ZCWPW2: variants seen among roughly 807,000 people sequenced by gnomAD.
ZCWPW2 encodes the protein zinc finger CW-type and PWWP domain containing 2.
Under a neutral mutation model 46.6 loss-of-function variants are expected in ZCWPW2, and 45 were observed. The observed-to-expected ratio is 0.96, with a 90% CI of 0.76 to 1.24. The LOEUF is 1.24. Among genes scored for constraint, ZCWPW2 ranks in the 50% most tolerant of loss-of-function variants. ZCWPW2 has a pLI of 0.00. For missense variants in ZCWPW2, 429 were observed against 403.9 expected (o/e 1.06, Z -0.53); for synonymous variants, 152 against 137.1 (o/e 1.11, Z -0.76).
intron 4 of ZCWPW2, chr3:28,460,958 A>G: frequency 3.9e-6 from 1 of 254,112 alleles, no homozygotes; most frequent in Non-Finnish European, 8.9e-6. Flanking sequence ...ATAATTTTTT[A>G]TTTCTTTAGA....
intron 5 of ZCWPW2, among the ~76,000 whole-genome samples, chr3:28,488,364 G>A (rs1559526008): frequency 6.6e-6 from 1 of 151,980 alleles, no homozygotes; most frequent in South Asian, 2.1e-4. Context: ...TTCATTTTTC[G>A]TTTTGCTCAC....
chr3:28,471,498 C>A (rs950756182), intron 4 of ZCWPW2, among the ~76,000 whole-genome samples: 1 of 152,072 alleles, frequency 6.6e-6, no homozygotes, highest in African/African-American at 2.4e-5. Flanking sequence ...AGGACAAAAA[C>A]CATATCATCA....
chr3:28,498,238 CGTGT>C (rs56760870), intron 6 of ZCWPW2, among the ~76,000 whole-genome samples: 35,410 of 145,374 alleles, frequency 0.24, 4,307 homozygotes, highest in Middle Eastern at 0.31. Flanking sequence ...TACATATATA[CGTGT>C]GTGTGTGTGT....
At chr3:28,502,400 A>G (rs919381922) in intron 6 of ZCWPW2, among the ~76,000 whole-genome samples, 2 of 152,104 alleles carry the variant, frequency 1.3e-5, no homozygotes, top group African/African-American at 2.4e-5. Context: ...GAAAAAGTCT[A>G]TGTTGAGACT....
At chr3:28,361,637 TA>T (rs1704949069) in intron 1 of ZCWPW2, among the ~76,000 whole-genome samples, 1 of 151,864 alleles carries the variant, frequency 6.6e-6, no homozygotes, top group African/African-American at 2.4e-5. Flanking sequence ...ATGCATCTGA[TA>T]GGGGATTAAT....
intron 1 of ZCWPW2, among the ~76,000 whole-genome samples, chr3:28,384,233 ATATGT>A (rs1461410376): frequency 1.8e-4 from 27 of 152,184 alleles, no homozygotes; most frequent in Non-Finnish European, 2.4e-4. Flanking sequence ...TACCCATGGA[ATATGT>A]TATATGTATT....
At chr3:28,521,335 G>T (rs13064740) in intron 9 of ZCWPW2, among the ~76,000 whole-genome samples, 57,104 of 152,012 alleles carry the variant, frequency 0.38, 11,579 homozygotes, top group East Asian at 0.65. Flanking sequence ...AAGTAGAGGA[G>T]TTCTTTTAAT....
chr3:28,444,571 C>T (rs781022321), intron 4 of ZCWPW2, among the ~76,000 whole-genome samples: 2 of 152,234 alleles, frequency 1.3e-5, no homozygotes, highest in South Asian at 4.1e-4. Flanking sequence ...CAATCAATGC[C>T]TTCACTTTTA....
intron 2 of ZCWPW2, among the ~76,000 whole-genome samples, chr3:28,392,484 A>T (rs1695532320): frequency 2.0e-5 from 3 of 152,188 alleles, no homozygotes; most frequent in Admixed American, 2.0e-4. Context: ...GAAATGTAGA[A>T]CATTCTATCC....
chr3:28,507,613 A>C (rs1700312403), intron 6 of ZCWPW2, among the ~76,000 whole-genome samples: 1 of 151,644 alleles, frequency 6.6e-6, no homozygotes. Context: ...ATGTTATTGC[A>C]TTTTTGTCAG....
intron 1 of ZCWPW2, among the ~76,000 whole-genome samples, chr3:28,357,000 T>G (rs1176195712): frequency 1.3e-5 from 2 of 151,972 alleles, no homozygotes; most frequent in Non-Finnish European, 2.9e-5. Flanking sequence ...ACTTAAAGTA[T>G]AATTGAAAAA....
intron 7 of ZCWPW2, among the ~76,000 whole-genome samples, 184 bp from the exon 8 acceptor site, chr3:28,515,370 T>A (rs922887244): frequency 6.6e-5 from 10 of 152,174 alleles, no homozygotes; most frequent in African/African-American, 2.4e-4. Context: ...AGAGCTCAAA[T>A]CAGTATTAGT....
intron 2 of ZCWPW2, among the ~76,000 whole-genome samples, chr3:28,404,827 A>T (rs1192133521): frequency 6.6e-6 from 1 of 152,194 alleles, no homozygotes; most frequent in Non-Finnish European, 1.5e-5. Context: ...GAGCTAATCT[A>T]TGAGGATGCA....
At chr3:28,456,786 T>G (rs909289559) in intron 4 of ZCWPW2, among the ~76,000 whole-genome samples, 3 of 152,238 alleles carry the variant, frequency 2.0e-5, no homozygotes, top group Non-Finnish European at 2.9e-5. Flanking sequence ...TTGATTTGCA[T>G]ATGTTGAACC....
chr3:28,447,768 C>T, intron 4 of ZCWPW2: 2 of 717,464 alleles, frequency 2.8e-6, no homozygotes, highest in Non-Finnish European at 5.0e-6. Context: ...TCCTACAATA[C>T]AACCACTAAT....
At chr3:28,496,856 G>A (rs1700003984) in intron 6 of ZCWPW2, among the ~76,000 whole-genome samples, 1 of 151,372 alleles carries the variant, frequency 6.6e-6, no homozygotes, top group Non-Finnish European at 1.5e-5. Context: ...ACAGGCATAG[G>A]GATGTTGACC....
intron 3 of ZCWPW2, among the ~76,000 whole-genome samples, chr3:28,427,682 G>A (rs1192670125): frequency 6.6e-6 from 1 of 151,892 alleles, no homozygotes. Flanking sequence ...AATACTCTTG[G>A]GCCCAATAGA....
At chr3:28,486,898 A>G (rs920234282) in intron 5 of ZCWPW2, among the ~76,000 whole-genome samples, 10 of 151,722 alleles carry the variant, frequency 6.6e-5, no homozygotes, top group Non-Finnish European at 7.4e-5. Flanking sequence ...TTCAGAGTGT[A>G]GATTTCTAGG....
chr3:28,389,137 A>G (rs182845116), intron 1 of ZCWPW2, among the ~76,000 whole-genome samples: 1 of 152,280 alleles, frequency 6.6e-6, no homozygotes, highest in Admixed American at 6.5e-5. Context: ...CCGACAGAGC[A>G]TGGCATCTTG....
Sources: gnomAD v4.1 joint callset for allele counts (sites outside exome capture counted in the v4.1 genomes callset) on GRCh38, gnomAD v4.1.1 for gene constraint, MANE v1.5 for transcripts, NCBI Gene and HGNC (gene_info 2026-07-23, HGNC 2026-07-21) for gene names.